OTUD7A: variants seen among roughly 807,000 people sequenced by gnomAD.
OTUD7A encodes OTU domain-containing protein 7A.
Under a neutral mutation model 65.7 loss-of-function variants are expected in OTUD7A, and 12 were observed. The ratio of observed to expected loss-of-function variants is 0.18; its 90% CI spans 0.12 to 0.30. The LOEUF is 0.30. Among genes scored for constraint, OTUD7A ranks in the 10% least tolerant of loss-of-function variants. OTUD7A has a pLI of 1.00. For synonymous variants in OTUD7A, 641 were observed against 586.3 expected, an observed-to-expected ratio of 1.09 and a Z score of -1.35; for missense variants, 1,148 against 1,304.8, an observed-to-expected ratio of 0.88 and a Z score of 1.85.
chr15:31,860,534 C>G (rs980217268), intron 1 of OTUD7A, among the ~76,000 whole-genome samples: 2 of 149,786 alleles, frequency 1.3e-5, no homozygotes, highest in African/African-American at 4.9e-5. Flanking sequence ...GCTTAAGAGT[C>G]AAAGGGAGGA....
intron 1 of OTUD7A, among the ~76,000 whole-genome samples, chr15:31,720,401 A>ATTT (rs781404973): frequency 7.5e-6 from 1 of 132,912 alleles, no homozygotes; most frequent in Non-Finnish European, 1.6e-5. Context: ...CAGTAACTTC[A>ATTT]TTTTTTTTTT....
At chr15:31,688,210 A>G (rs1332807507) in intron 1 of OTUD7A, among the ~76,000 whole-genome samples, 1 of 47,606 alleles carries the variant, frequency 2.1e-5, no homozygotes, top group African/African-American at 5.8e-5. Context: ...GCGAGACTCC[A>G]TCTCAAAAAA....
chr15:31,487,640 C>T lies in OTUD7A; in HGVS notation c.1172-74G>A, dbSNP rs2141065998. The T allele has an allele frequency of 8.1e-7, 1 of 1,232,258 alleles. No individual in the cohort carries two copies. Among genetic ancestry groups the T allele is most frequent in the Non-Finnish European group, 1.1e-6 (1 of 876,250 alleles). 76.3% of individuals were successfully genotyped at this position (1,232,258 alleles called of 1,614,324 possible). On this transcript the variant is annotated intron_variant, in intron 10 of 12. Coordinates refer to ENST00000307050, the MANE Select transcript of OTUD7A (RefSeq NM_001382637.1). The surrounding 1 kb of genome is among the most constrained non-coding windows in gnomAD (Gnocchi z 6.0). ...GCAGGATGGCAAGGAAATTCCCAAG[C>T]CAGGTATCTGGGTGACAAATGCACC...
chr15:31,810,411 G>C (rs1446715773), intron 1 of OTUD7A, among the ~76,000 whole-genome samples: 1 of 152,164 alleles, frequency 6.6e-6, no homozygotes, highest in Non-Finnish European at 1.5e-5. Flanking sequence ...AGGTCATAAT[G>C]GTGGGGCCCT....
chr15:31,675,344 A>T (rs1324112263), intron 1 of OTUD7A, among the ~76,000 whole-genome samples: 1 of 152,144 alleles, frequency 6.6e-6, no homozygotes, highest in Admixed American at 6.6e-5. Flanking sequence ...ATGTGAGAGA[A>T]GTGAATTCTC....
chr15:31,503,932 A>G (rs1011936297), intron 8 of OTUD7A, 114 bp from the exon 9 acceptor site: 13 of 1,293,274 alleles, frequency 1.0e-5, no homozygotes, highest in Non-Finnish European at 1.3e-5. Context: ...TATTATCTTC[A>G]TGGACCCCGG....
intron 1 of OTUD7A, among the ~76,000 whole-genome samples, chr15:31,722,496 A>G (rs968748786): frequency 5.3e-5 from 8 of 152,368 alleles, no homozygotes; most frequent in African/African-American, 1.9e-4. Context: ...TCCTGAATGC[A>G]CTGCCAGTTT....
chr15:31,841,163 T>C (rs1897173470), intron 1 of OTUD7A, among the ~76,000 whole-genome samples: 3 of 152,166 alleles, frequency 2.0e-5, no homozygotes, highest in Admixed American at 2.0e-4. Flanking sequence ...CTGGGGTGTG[T>C]GGTCAGAAGA....
In OTUD7A at chr15:31,483,752, G is replaced by T; in HGVS notation, c.2344C>A (p.Gln782Lys). Residue 782 changes from glutamine to lysine, a missense_variant, in exon 13 of 13, where the codon CAG (glutamine) becomes AAG (lysine). Physicochemically the swap from Gln to Lys is moderately conservative, Grantham distance 53 (BLOSUM62 1). Transcript: ENST00000307050. ...GCCTCGTCCCGCGCGCCCGACGCCT[G>T]CACGTGGATGACGCTCTGGCGCGCT... ...APARQSVIHV[Q>K]ASGARDEACA... The T allele has an allele frequency of 9.2e-7, 1 of 1,091,818 alleles. No individual in the cohort carries two copies. Among genetic ancestry groups the T allele is most frequent in the Non-Finnish European group, 1.1e-6 (1 of 901,248 alleles). 67.6% of individuals were successfully genotyped at this position (1,091,818 alleles called of 1,614,324 possible).
intron 1 of OTUD7A, among the ~76,000 whole-genome samples, chr15:31,669,894 T>G (rs1458468544): frequency 6.6e-6 from 1 of 150,422 alleles, no homozygotes; most frequent in African/African-American, 2.5e-5. Context: ...GGTCGGAAAC[T>G]TCTCCTGCAA....
chr15:31,530,960 T>C (rs1595588323), intron 5 of OTUD7A, 152 bp from the exon 6 acceptor site: 1 of 546,934 alleles, frequency 1.8e-6, no homozygotes, highest in African/African-American at 1.9e-5. Flanking sequence ...TCAAATAAAA[T>C]ATAGATTTCT....
intron 1 of OTUD7A, among the ~76,000 whole-genome samples, chr15:31,751,224 C>T (rs918556109): frequency 6.6e-6 from 1 of 151,800 alleles, no homozygotes; most frequent in African/African-American, 2.4e-5. Flanking sequence ...AATCAATAAG[C>T]AAGGAACAAC....
chr15:31,592,003 A>C (rs1889739541), intron 3 of OTUD7A, among the ~76,000 whole-genome samples: 1 of 152,224 alleles, frequency 6.6e-6, no homozygotes, highest in Admixed American at 6.5e-5. Context: ...ATGTCTAAAA[A>C]TAAAAAAGTA....
At chr15:31,804,693 A>G (rs1386227230) in intron 1 of OTUD7A, among the ~76,000 whole-genome samples, 1 of 151,502 alleles carries the variant, frequency 6.6e-6, no homozygotes, top group Non-Finnish European at 1.5e-5. Context: ...AACCGAAGAA[A>G]CTCTCCTTCC....
intron 1 of OTUD7A, among the ~76,000 whole-genome samples, chr15:31,708,220 T>C (rs532129170): frequency 6.6e-6 from 1 of 152,082 alleles, no homozygotes; most frequent in African/African-American, 2.4e-5. Flanking sequence ...TAAAAAGAGT[T>C]TCTAACATCC....
At chr15:31,489,737 C>G (rs1287048494) in intron 10 of OTUD7A, among the ~76,000 whole-genome samples, 1 of 152,232 alleles carries the variant, frequency 6.6e-6, no homozygotes, top group African/African-American at 2.4e-5. Flanking sequence ...TTCAGATAAA[C>G]CACCTAAGCT....
At chr15:31,539,227 C>T (rs777807841) in intron 5 of OTUD7A, among the ~76,000 whole-genome samples, 10 of 152,134 alleles carry the variant, frequency 6.6e-5, no homozygotes, top group Non-Finnish European at 1.2e-4. Context: ...TTCCCTTGAG[C>T]TTTCTCTCTC....
chr15:31,675,370 C>T (rs1892574511), intron 1 of OTUD7A, among the ~76,000 whole-genome samples: 1 of 152,074 alleles, frequency 6.6e-6, no homozygotes, highest in African/African-American at 2.4e-5. Flanking sequence ...GTTAAATCTG[C>T]CATAATGTCT....
At chr15:31,512,062 T>C (rs1054986649) in intron 8 of OTUD7A, among the ~76,000 whole-genome samples, 5 of 152,178 alleles carry the variant, frequency 3.3e-5, no homozygotes, top group African/African-American at 1.2e-4. Context: ...GCCCCTGCAG[T>C]TTCTCTCTCC....
Sources: allele counts gnomAD v4.1 joint callset (sites outside exome capture counted in the v4.1 genomes callset), GRCh38; gene constraint gnomAD v4.1.1; non-coding constraint Gnocchi (gnomAD v3.1); transcripts MANE v1.5; gene names NCBI Gene and HGNC (gene_info 2026-07-23, HGNC 2026-07-21).